The following LARP4B variants were observed in gnomAD, a reference collection of about 807,000 sequenced individuals.
The protein encoded by LARP4B is La ribonucleoprotein 4B.
LARP4B carries 12 observed loss-of-function variants against 89.8 expected under a neutral mutation model. The ratio of observed to expected loss-of-function variants is 0.13; its 90% CI spans 0.09 to 0.22. LARP4B has a LOEUF of 0.22. Ranked by LOEUF, LARP4B falls within the 10% of genes least tolerant of loss-of-function variation. The pLI is 1.00. For synonymous variants in LARP4B, 367 were observed against 363.3 expected, an observed-to-expected ratio of 1.01 and a Z score of -0.12; for missense variants, 757 against 947.7, an observed-to-expected ratio of 0.80 and a Z score of 2.64.
the LARP4B span, among the ~76,000 whole-genome samples, chr10:975,539 G>C: frequency 0.12 from 18,323 of 152,234 alleles, 1,494 homozygotes; most frequent in Non-Finnish European, 0.18. Context: ...GTTTTCTTAG[G>C]TGCAGTCAAG....
chr10:890,727 A>T (rs954815050), intron 1 of LARP4B, among the ~76,000 whole-genome samples: 3 of 152,004 alleles, frequency 2.0e-5, no homozygotes, highest in Non-Finnish European at 2.9e-5. Flanking sequence ...TATTATTATT[A>T]TTTTTAACTA....
chr10:905,679 A>G (rs750709264), intron 1 of LARP4B, among the ~76,000 whole-genome samples: 3 of 22,068 alleles, frequency 1.4e-4, no homozygotes, highest in Admixed American at 2.9e-4. Flanking sequence ...CTGAGGAGCA[A>G]GGGAGGAGCT....
Position 867,885 on chromosome 10 carries a change from A to C in LARP4B, c.142-3615T>G, listed in dbSNP as rs74362606. Among the ~76,000 whole-genome samples, 317 of 150,642 alleles carry C rather than the reference A, an allele frequency of 2.1e-3. 2 individuals carry two copies. Among genetic ancestry groups the C allele is most frequent in the African/African-American group, 7.5e-3 (306 of 40,900 alleles). ...TTGAAAAAAAAAAAAAAAAAAAAAA[A>C]ACTCCAGTGTCGTCTGCTTGACTAT... On this transcript the variant is annotated intron_variant, in intron 3 of 17. Transcript: ENST00000316157.
intron 3 of LARP4B, among the ~76,000 whole-genome samples, chr10:872,788 C>T (rs1423570285): frequency 2.6e-5 from 4 of 152,200 alleles, no homozygotes; most frequent in East Asian, 3.9e-4. Flanking sequence ...CACAGACCCC[C>T]TCAGAATTCT....
At chr10:869,979 A>G in intron 3 of LARP4B, 1 of 663,124 alleles carries the variant, frequency 1.5e-6, no homozygotes, top group Non-Finnish European at 1.9e-6. Context: ...AGCATACCGC[A>G]GCACAATAGT....
In LARP4B at chr10:825,268, C is replaced by G. The variant is rs748609302; in HGVS notation, c.1281G>C (p.Arg427Ser). 6.2e-7 allele frequency: 1 copy of G among 1,614,124 alleles called. No homozygotes were observed. Among genetic ancestry groups the G allele is most frequent in the Non-Finnish European group, 8.5e-7 (1 of 1,180,010 alleles). Residue 427 changes from arginine (R) to serine (S), a missense_variant, in exon 13 of 18, where the codon AGG (arginine) becomes AGC (serine). Arg to Ser is a moderately radical substitution (Grantham distance 110, BLOSUM62 -1). Around this residue, in one of 5 missense-constraint regions of LARP4B, gnomAD observed 387 missense variants for 423.6 expected, o/e 0.91. Transcript: ENST00000316157. Reference protein sequence around the residue: ...HLRHAIPSAERGPGLLESPSI... With the variant: ...HLRHAIPSAESGPGLLESPSI... Reference sequence around the variant, plus strand: ...AAGGACTTTCTAATAACCCAGGTCCCCTCTCTGCACTAGGAATCGCATGCC... The same window carrying G: ...AAGGACTTTCTAATAACCCAGGTCCGCTCTCTGCACTAGGAATCGCATGCC...
the LARP4B span, among the ~76,000 whole-genome samples, chr10:946,800 A>G: frequency 1.3e-5 from 2 of 152,134 alleles, no homozygotes; most frequent in East Asian, 3.8e-4. Flanking sequence ...TGTGGAAAAC[A>G]TTCAGTGATG....
At chr10:977,966 C>T in the LARP4B span, among the ~76,000 whole-genome samples, 54 of 152,058 alleles carry the variant, frequency 3.6e-4, no homozygotes, top group African/African-American at 1.3e-3. Flanking sequence ...TAAAAGTGAG[C>T]CCCCCGCCTA....
At chr10:855,880 T>C (rs1164494284) in intron 5 of LARP4B, among the ~76,000 whole-genome samples, 1 of 152,222 alleles carries the variant, frequency 6.6e-6, no homozygotes, top group African/African-American at 2.4e-5. Flanking sequence ...GGCTAGCGCA[T>C]CAATGAACAG....
At chr10:937,430 G>T in the LARP4B span, among the ~76,000 whole-genome samples, 11 of 152,280 alleles carry the variant, frequency 7.2e-5, no homozygotes, top group East Asian at 2.1e-3. Flanking sequence ...GTGAAACTCT[G>T]TTGAGGATAT....
chr10:823,811 T>C (rs1832478957), intron 13 of LARP4B, among the ~76,000 whole-genome samples: 1 of 152,066 alleles, frequency 6.6e-6, no homozygotes, highest in Non-Finnish European at 1.5e-5. Context: ...CATGACACGG[T>C]GGGCCCCTTT....
At chr10:985,471 G>A in the LARP4B span, 1 of 152,224 alleles carries the variant, frequency 6.6e-6, no homozygotes, top group Non-Finnish European at 1.5e-5. Context: ...GGGAAGCTGA[G>A]ACATTTTCCC....
chr10:975,778 C>A, the LARP4B span, among the ~76,000 whole-genome samples: 15 of 151,148 alleles, frequency 9.9e-5, no homozygotes, highest in African/African-American at 3.4e-4. Context: ...AGAACGTAAG[C>A]CTGTCGTGCA....
At chr10:817,624 T>G in intron 15 of LARP4B, 101 bp downstream of exon 15, 1 of 1,158,858 alleles carries the variant, frequency 8.6e-7, no homozygotes, top group Non-Finnish European at 1.2e-6. Flanking sequence ...CTCTCTTGAG[T>G]ATTAAAAACA....
chr10:813,350 A>G, intron 17 of LARP4B, 137 bp from the exon 18 acceptor site: 2 of 828,916 alleles, frequency 2.4e-6, no homozygotes, highest in South Asian at 2.0e-5. Context: ...TAACTTTTAA[A>G]AAGTTCATAA....
the LARP4B span, among the ~76,000 whole-genome samples, chr10:941,501 A>G: frequency 6.6e-6 from 1 of 151,406 alleles, no homozygotes; most frequent in African/African-American, 2.4e-5. Flanking sequence ...TTTGGTAGAG[A>G]TGGGCGGGGG....
At chr10:938,266 T>A in the LARP4B span, among the ~76,000 whole-genome samples, 10 of 150,074 alleles carry the variant, frequency 6.7e-5, no homozygotes, top group Non-Finnish European at 1.5e-4. Flanking sequence ...TTTTTTTTTT[T>A]TGGAGACGGA....
Position 843,078 on chromosome 10 carries a change from G to C in LARP4B, c.510-10C>G, listed in dbSNP as rs1249382226. On this transcript the variant is annotated splice_polypyrimidine_tract_variant and intron_variant, in intron 6 of 17. Coordinates refer to ENST00000316157, the MANE Select transcript of LARP4B (RefSeq NM_015155.3). The stretch of plus-strand genomic sequence containing the variant: ...ACTAGCAAGGTTCTCCCTGTTGAAA[G>C]AAAACAATCTCTTTTAATCAGTATT... 2 of 1,611,168 alleles carry C rather than the reference G, an allele frequency of 1.2e-6. No homozygotes were observed. Among genetic ancestry groups the C allele is most frequent in the Non-Finnish European group, 1.7e-6 (2 of 1,178,370 alleles).
the LARP4B span, among the ~76,000 whole-genome samples, chr10:956,866 T>C: frequency 0.27 from 41,234 of 151,954 alleles, 6,442 homozygotes; most frequent in African/African-American, 0.43. This position sits in a 1 kb window ranked among gnomAD's most constrained non-coding sequence, Gnocchi z 4.3. Context: ...GTAAAGACAC[T>C]GCAGGAGCTC....
Sources: gnomAD v4.1 joint callset for allele counts (sites outside exome capture counted in the v4.1 genomes callset) on GRCh38, gnomAD v4.1.1 for gene constraint, gnomAD v4.1.1 regional missense constraint, Gnocchi (gnomAD v3.1) non-coding constraint, MANE v1.5 for transcripts, NCBI Gene and HGNC (gene_info 2026-07-23, HGNC 2026-07-21) for gene names.